Variants in RANBP2 observed in about 807,000 individuals in gnomAD.
RANBP2 encodes E3 SUMO-protein ligase RanBP2.
In RANBP2, 57 loss-of-function variants were observed where a neutral mutation model predicts 303.6. The ratio of observed to expected loss-of-function variants is 0.19; its 90% CI spans 0.15 to 0.23. RANBP2 has a LOEUF of 0.23. RANBP2 is among the 10% of genes least tolerant of loss of function. The pLI is 1.00. For synonymous variants in RANBP2, 1,167 were observed against 1,301.5 expected, an observed-to-expected ratio of 0.90 and a Z score of 2.23; for missense variants, 3,138 against 3,780.8, an observed-to-expected ratio of 0.83 and a Z score of 4.46.
chr2:108,990,388 G>A, the RANBP2 span, among the ~76,000 whole-genome samples: 4 of 139,190 alleles, frequency 2.9e-5, no homozygotes, highest in Admixed American at 1.6e-4. Context: ...CCGAGATTGC[G>A]CCACTGCAGT....
At chr2:108,790,943 G>A in the RANBP2 span, among the ~76,000 whole-genome samples, 1 of 151,650 alleles carries the variant, frequency 6.6e-6, no homozygotes, top group African/African-American at 2.4e-5. Flanking sequence ...TTTTCTTTTT[G>A]TAGAGACAGA....
chr2:109,224,847 ACT>A, the RANBP2 span, among the ~76,000 whole-genome samples: 6 of 152,010 alleles, frequency 3.9e-5, no homozygotes, highest in South Asian at 2.1e-4. Flanking sequence ...ACAGAGCAAG[ACT>A]CTGTCTCAAA....
chr2:109,293,279 TACCC>T, the RANBP2 span, among the ~76,000 whole-genome samples: 7 of 152,192 alleles, frequency 4.6e-5, no homozygotes, highest in African/African-American at 1.7e-4. Flanking sequence ...CTGCTAAAAA[TACCC>T]AGCACTGCAC....
the RANBP2 span, among the ~76,000 whole-genome samples, chr2:109,264,198 C>G: frequency 8.0e-5 from 12 of 150,224 alleles, no homozygotes; most frequent in African/African-American, 2.7e-4. Context: ...GTGTGCTCCC[C>G]GTTCACCTCC....
At chr2:109,475,949 T>G in the RANBP2 span, among the ~76,000 whole-genome samples, 1 of 152,316 alleles carries the variant, frequency 6.6e-6, no homozygotes, top group African/African-American at 2.4e-5. Context: ...AACCAAAAAC[T>G]TCCTGTGGTG....
At chr2:108,902,376 AAAAAC>A in the RANBP2 span, among the ~76,000 whole-genome samples, 1 of 152,146 alleles carries the variant, frequency 6.6e-6, no homozygotes, top group Non-Finnish European at 1.5e-5. Context: ...ACTCCATCTC[AAAAAC>A]AAAACAAAAC....
At chr2:108,929,135 C>T in the RANBP2 span, 60 of 1,593,356 alleles carry the variant, frequency 3.8e-5, no homozygotes, top group Non-Finnish European at 4.7e-5. Flanking sequence ...GGTCCTTGCC[C>T]GTAGCCCCTC....
At chr2:108,899,137 T>A in the RANBP2 span, among the ~76,000 whole-genome samples, 2 of 152,120 alleles carry the variant, frequency 1.3e-5, no homozygotes, top group Non-Finnish European at 2.9e-5. Context: ...TAAATGAACT[T>A]CTGAAAACTA....
chr2:108,791,554 G>C, the RANBP2 span: 1 of 1,210,928 alleles, frequency 8.3e-7, no homozygotes, highest in Non-Finnish European at 1.2e-6. Flanking sequence ...ACATTTTGCA[G>C]TTTAAAAAAT....
At chr2:109,348,629 A>G in the RANBP2 span, among the ~76,000 whole-genome samples, 1 of 152,146 alleles carries the variant, frequency 6.6e-6, no homozygotes, top group African/African-American at 2.4e-5. Context: ...TGGTCTTTAC[A>G]GCTGTCCCAG....
At chr2:108,762,026 A>G in intron 18 of RANBP2, 75 bp from the exon 19 acceptor site, 2 of 1,570,234 alleles carry the variant, frequency 1.3e-6, no homozygotes, top group Non-Finnish European at 1.7e-6. Flanking sequence ...TTGTATTTAT[A>G]GCTCTTGCCT....
the RANBP2 span, chr2:108,906,283 C>T: frequency 6.2e-7 from 1 of 1,603,218 alleles, no homozygotes; most frequent in East Asian, 2.2e-5. Context: ...GGCACCACCT[C>T]TCCCAGGCTT....
the RANBP2 span, among the ~76,000 whole-genome samples, chr2:109,285,131 G>A: frequency 8.7e-4 from 133 of 152,366 alleles, no homozygotes; most frequent in Non-Finnish European, 3.2e-4. Context: ...AGGGTCTGGA[G>A]TAGGGGTGAC....
At chr2:109,161,957 G>A in the RANBP2 span, among the ~76,000 whole-genome samples, 1 of 152,078 alleles carries the variant, frequency 6.6e-6, no homozygotes, top group Non-Finnish European at 1.5e-5. Context: ...TGGGGGCTGT[G>A]TATCTTATAT....
the RANBP2 span, among the ~76,000 whole-genome samples, chr2:108,846,445 A>C: frequency 6.6e-6 from 1 of 151,920 alleles, no homozygotes; most frequent in African/African-American, 2.4e-5. Context: ...TTGGGAGGTC[A>C]AGGTAGGAGG....
At chr2:109,236,229 C>T in the RANBP2 span, among the ~76,000 whole-genome samples, 1 of 152,208 alleles carries the variant, frequency 6.6e-6, no homozygotes, top group Non-Finnish European at 1.5e-5. Flanking sequence ...ATGTAATATA[C>T]TTGCCTTTGG....
chr2:109,322,570 G>A, the RANBP2 span, among the ~76,000 whole-genome samples: 1 of 152,212 alleles, frequency 6.6e-6, no homozygotes, highest in Non-Finnish European at 1.5e-5. Flanking sequence ...GATTTTGAGA[G>A]TTACTGCAAG....
chr2:108,846,768 T>C, the RANBP2 span: 38 of 1,612,270 alleles, frequency 2.4e-5, no homozygotes, highest in African/African-American at 1.6e-4. Context: ...ATTGAGGAGA[T>C]TGGGTGAAGA....
At chr2:109,616,013 T>A in the RANBP2 span, 1 of 1,527,324 alleles carries the variant, frequency 6.5e-7, no homozygotes, top group East Asian at 2.3e-5. Flanking sequence ...AGGAACGACC[T>A]GTTAAAGGCC....
Sources: gnomAD v4.1 joint callset for allele counts (sites outside exome capture counted in the v4.1 genomes callset) on GRCh38, gnomAD v4.1.1 for gene constraint, MANE v1.5 for transcripts, NCBI Gene and HGNC (gene_info 2026-07-23, HGNC 2026-07-21) for gene names.